The following AJAP1 variants were observed in gnomAD, a reference collection of about 807,000 sequenced individuals.
The protein encoded by AJAP1 is adherens junctions associated protein 1, also known as adherens junction-associated protein 1.
Under a neutral mutation model 35.0 loss-of-function variants are expected in AJAP1, and 5 were observed. The ratio of observed to expected loss-of-function variants is 0.14; its 90% CI spans 0.07 to 0.30. AJAP1 has a LOEUF of 0.30. Ranked by LOEUF, AJAP1 falls within the 10% of genes least tolerant of loss-of-function variation. The pLI is 1.00. For synonymous variants in AJAP1, 284 were observed against 249.3 expected, an observed-to-expected ratio of 1.14 and a Z score of -1.31; for missense variants, 586 against 571.0, an observed-to-expected ratio of 1.03 and a Z score of -0.27.
chr1:4,733,786 C>T (rs1227800690), intron 2 of AJAP1, among the ~76,000 whole-genome samples: 2 of 152,084 alleles, frequency 1.3e-5, no homozygotes, highest in Non-Finnish European at 1.5e-5. Context: ...GTGACTTGTG[C>T]TATTTCCCAG....
rs533161623 is a variant in AJAP1 at position 4,723,820 on chromosome 1, C to T, written c.829+11121C>T. Among the ~76,000 whole-genome samples the T allele has an allele frequency of 5.9e-5, 9 of 152,000 alleles. No homozygotes were observed. The highest frequency in any genetic ancestry group is 2.1e-4 in the South Asian group (1 of 4,816). On this transcript the variant is annotated intron_variant, in intron 2 of 5. Coordinates refer to ENST00000378191, the MANE Select transcript of AJAP1 (RefSeq NM_018836.4). This position sits in a 1 kb window ranked among gnomAD's most constrained non-coding sequence, Gnocchi z 4.3. ...TTTTTATCGTGGGAGTATTCAGGCA[C>T]GTCTTTCTGCCAACGTGAATGACCC...
At position 4,655,419 on chromosome 1, in the gene AJAP1, C is replaced by T; in HGVS notation, c.-7C>T. On this transcript the variant is annotated 5_prime_UTR_variant, in exon 1 of 6. It adds an upstream start codon to the 5' untranslated region. Coordinates refer to ENST00000378191, the MANE Select transcript of AJAP1 (RefSeq NM_018836.4). This position sits in a 1 kb window ranked among gnomAD's most constrained non-coding sequence, Gnocchi z 6.9. ...AGGTCTGAGGCCCCGCTCCCCGAAA[C>T]GTGACCATGTGGATTCAACAGCTTT... is the stretch of plus-strand genomic sequence containing the variant. 6.4e-7 allele frequency: 1 copy of T among 1,564,666 alleles called. No homozygotes were observed. Among genetic ancestry groups the T allele is most frequent in the Admixed American group, 1.8e-5 (1 of 55,106 alleles).
intron 2 of AJAP1, among the ~76,000 whole-genome samples, chr1:4,740,962 G>A (rs1641055109): frequency 6.6e-6 from 1 of 151,952 alleles, no homozygotes; most frequent in Admixed American, 6.6e-5. Flanking sequence ...GAAGACTTGG[G>A]GCCAAGGACA....
rs544472392 is a variant in AJAP1 at position 4,675,547 on chromosome 1, G to T, written c.29+20093G>T. ...TTGAATGACCATGTGGCCTACCTCA[G>T]TGTCCTGCCCCTTGGGAAATGGAGC... On this transcript the variant is annotated intron_variant, in intron 1 of 5. Coordinates refer to ENST00000378191, the MANE Select transcript of AJAP1 (RefSeq NM_018836.4). 7.9e-5 allele frequency among the ~76,000 whole-genome samples: 12 copies of T among 152,274 alleles called. No homozygotes were observed. The South Asian group carries it at 2.5e-3, about 32-fold the overall frequency.
intron 1 of AJAP1, among the ~76,000 whole-genome samples, chr1:4,670,101 C>A (rs574563911): frequency 7.4e-4 from 113 of 152,268 alleles, no homozygotes; most frequent in Non-Finnish European, 1.4e-3. Flanking sequence ...AGGATGGTGA[C>A]CCCCTACCAT....
At chr1:4,686,686 A>T (rs1639615285) in intron 1 of AJAP1, among the ~76,000 whole-genome samples, 1 of 152,208 alleles carries the variant, frequency 6.6e-6, no homozygotes, top group African/African-American at 2.4e-5. Context: ...AATAAAAAGG[A>T]AGAGTCACTT....
intron 2 of AJAP1, among the ~76,000 whole-genome samples, chr1:4,724,102 C>T (rs1053156111): frequency 3.9e-5 from 6 of 152,226 alleles, no homozygotes; most frequent in Non-Finnish European, 7.3e-5. Context: ...ACCGACATGG[C>T]CCCTGCCATT....
intron 5 of AJAP1, among the ~76,000 whole-genome samples, chr1:4,781,223 C>A (rs1398078688): frequency 6.6e-6 from 1 of 152,190 alleles, no homozygotes; most frequent in Non-Finnish European, 1.5e-5. Context: ...GGCCCCTCCT[C>A]CCCAGTCCCA....
intron 1 of AJAP1, among the ~76,000 whole-genome samples, chr1:4,667,974 G>T (rs946552713): frequency 6.6e-6 from 1 of 152,198 alleles, no homozygotes; most frequent in Non-Finnish European, 1.5e-5. Context: ...CAGCACTTTG[G>T]GAGGTAGAGG....
rs2100228948 is a variant in AJAP1, at chr1:4,692,443, A to G, written c.30-19457A>G. On this transcript the variant is annotated intron_variant, in intron 1 of 5. Coordinates refer to ENST00000378191, the MANE Select transcript of AJAP1 (RefSeq NM_018836.4). This position sits in a 1 kb window ranked among gnomAD's most constrained non-coding sequence, Gnocchi z 4.4. ...CTCCGTGGGACTCATCATTACGAGG[A>G]CTTGTAATTGCTTTGCTGGCTGGGT... Among the ~76,000 whole-genome samples, 1 of 152,154 alleles carries G rather than the reference A, an allele frequency of 6.6e-6. No homozygotes were observed. The highest frequency in any genetic ancestry group is 1.5e-5 in the Non-Finnish European group (1 of 67,990).
intron 2 of AJAP1, among the ~76,000 whole-genome samples, chr1:4,729,378 G>C (rs533527198): frequency 6.6e-6 from 1 of 152,330 alleles, no homozygotes; most frequent in African/African-American, 2.4e-5. Flanking sequence ...TGGAGCTGCT[G>C]CCCCACACAC....
At chr1:4,763,154 G>T (rs1641610139) in intron 2 of AJAP1, among the ~76,000 whole-genome samples, 1 of 152,128 alleles carries the variant, frequency 6.6e-6, no homozygotes, top group Non-Finnish European at 1.5e-5. Context: ...AGCATCTTTG[G>T]CCCTTACCCA....
chr1:4,752,563 T>C (rs1030352973), intron 2 of AJAP1, among the ~76,000 whole-genome samples: 10 of 152,046 alleles, frequency 6.6e-5, no homozygotes, highest in African/African-American at 2.2e-4. Context: ...GAGTTTAAAT[T>C]AAATCAGCAG....
chr1:4,690,495 C>T (rs115857272), intron 1 of AJAP1, among the ~76,000 whole-genome samples: 1,777 of 152,316 alleles, frequency 0.012, 27 homozygotes, highest in African/African-American at 0.039. Context: ...GGCTGCAGTA[C>T]GGGAGAGGGG....
intron 2 of AJAP1, among the ~76,000 whole-genome samples, chr1:4,756,655 T>G (rs1239642520): frequency 1.3e-5 from 2 of 152,214 alleles, no homozygotes; most frequent in Non-Finnish European, 2.9e-5. Flanking sequence ...TTCCTGGGAT[T>G]CAGACGCTTA....
intron 5 of AJAP1, among the ~76,000 whole-genome samples, chr1:4,779,762 G>A (rs1453467214): frequency 6.6e-6 from 1 of 151,882 alleles, no homozygotes; most frequent in Non-Finnish European, 1.5e-5. Flanking sequence ...CCCAGTGTAG[G>A]GTCTCGAAGC....
In AJAP1 at chr1:4,740,513, C is replaced by T. The variant is rs369994158; in HGVS notation, c.829+27814C>T. On this transcript the variant is annotated intron_variant, in intron 2 of 5. Coordinates refer to ENST00000378191, the MANE Select transcript of AJAP1 (RefSeq NM_018836.4). Reference sequence around the variant, plus strand: ...CGCTTAAAAAGTGGCTGGCCGGGCACGGTGGCTCACGCCTGTCATCCCAGC... The same window carrying T: ...CGCTTAAAAAGTGGCTGGCCGGGCATGGTGGCTCACGCCTGTCATCCCAGC... Among the ~76,000 whole-genome samples the T allele has an allele frequency of 1.3e-4, 20 of 151,516 alleles. No individual in the cohort carries two copies. The East Asian group carries it at 2.2e-3, about 16-fold the overall frequency.
At chr1:4,706,900 G>A (rs1391412613) in intron 1 of AJAP1, among the ~76,000 whole-genome samples, 1 of 152,194 alleles carries the variant, frequency 6.6e-6, no homozygotes, top group East Asian at 1.9e-4. Flanking sequence ...AAAATAAAGT[G>A]AGACGGAGCA....
chr1:4,708,884 T>C (rs1365983365), intron 1 of AJAP1, among the ~76,000 whole-genome samples: 1 of 135,376 alleles, frequency 7.4e-6, no homozygotes, highest in African/African-American at 2.5e-5. Context: ...ACCTGCCCTC[T>C]TTTTTTTCCT....
Sources: allele counts gnomAD v4.1 joint callset (sites outside exome capture counted in the v4.1 genomes callset), GRCh38; gene constraint gnomAD v4.1.1; non-coding constraint Gnocchi (gnomAD v3.1); transcripts MANE v1.5; gene names NCBI Gene and HGNC (gene_info 2026-07-23, HGNC 2026-07-21).